Variants in UGGT2 observed in about 807,000 individuals in gnomAD.
The protein encoded by UGGT2 is UDP-glucose glycoprotein glucosyltransferase 2, also known as UDP-glucose:glycoprotein glucosyltransferase 2.
Under a neutral mutation model 192.1 loss-of-function variants are expected in UGGT2, and 180 were observed. The observed-to-expected ratio is 0.94, with a 90% CI of 0.83 to 1.06. The LOEUF is 1.06. Among genes scored for constraint, UGGT2 ranks in the 50% least tolerant of loss-of-function variants. The pLI, the probability that UGGT2 is intolerant of heterozygous loss-of-function variation, is 0.00. For synonymous variants in UGGT2, 580 were observed against 591.0 expected, an observed-to-expected ratio of 0.98 and a Z score of 0.27; for missense variants, 1,849 against 1,795.7, an observed-to-expected ratio of 1.03 and a Z score of -0.54.
At chr13:95,931,645 C>T (rs1293369380) in intron 17 of UGGT2, among the ~76,000 whole-genome samples, 1 of 152,136 alleles carries the variant, frequency 6.6e-6, no homozygotes, top group Non-Finnish European at 1.5e-5. Context: ...AATTCGAGCA[C>T]AGTGCTGGCC....
intron 12 of UGGT2, among the ~76,000 whole-genome samples, chr13:95,954,854 ATC>A (rs1275964107): frequency 1.3e-5 from 2 of 152,208 alleles, no homozygotes; most frequent in African/African-American, 4.8e-5. Flanking sequence ...CTCCAAATGA[ATC>A]TCTTCAAATA....
intron 12 of UGGT2, among the ~76,000 whole-genome samples, chr13:95,950,397 G>T (rs921067471): frequency 2.6e-5 from 4 of 151,968 alleles, no homozygotes; most frequent in African/African-American, 9.7e-5. Context: ...CCAGATCCTA[G>T]AAGTAAGACA....
At chr13:95,824,669 T>G (rs1003813823) in intron 38 of UGGT2, among the ~76,000 whole-genome samples, 1 of 152,120 alleles carries the variant, frequency 6.6e-6, no homozygotes, top group African/African-American at 2.4e-5. Flanking sequence ...CTCTAGAAAA[T>G]TTTTCATTCA....
intron 36 of UGGT2, among the ~76,000 whole-genome samples, chr13:95,852,693 CAG>C (rs990724071): frequency 7.2e-5 from 11 of 152,176 alleles, no homozygotes; most frequent in South Asian, 4.1e-4. Context: ...TAAAAGAATA[CAG>C]AGTCTTTTGT....
chr13:95,907,461 G>GATCCCT lies in UGGT2; in HGVS notation c.2296-4402_2296-4401insAGGGAT, dbSNP rs2048329030. 2.5e-4 allele frequency among the ~76,000 whole-genome samples: 4 copies of GATCCCT among 15,958 alleles called. No individual in the cohort carries two copies. In the South Asian group the frequency reaches 0.028, roughly 111 times the overall value. 10.5% of individuals were successfully genotyped at this position (15,958 alleles called of 152,430 possible). A position where few individuals can be genotyped will look rare whatever the true frequency, so the allele number is the denominator to read the frequency against. On this transcript the variant is annotated intron_variant, in intron 20 of 38. Transcript: ENST00000376747. ...AATGGACAGACTGCCTCCTCAAGTG[G>GATCCCT]GTCCCCATGTAGCCTAACTGGGAGA...
At chr13:95,949,577 T>C (rs1021872736) in intron 12 of UGGT2, 123 bp from the exon 13 acceptor site, 10 of 955,428 alleles carry the variant, frequency 1.0e-5, no homozygotes, top group African/African-American at 5.1e-5. Context: ...TCTGATTAAA[T>C]AGAGGAGCTA....
At chr13:95,991,513 T>C (rs1346414208) in intron 7 of UGGT2, 1 of 450,658 alleles carries the variant, frequency 2.2e-6, no homozygotes, top group East Asian at 7.0e-5. Context: ...TATACATAAA[T>C]ATGGTAATCT....
chr13:96,023,579 C>T (rs200614926), intron 3 of UGGT2, 50 bp downstream of exon 3: 272 of 1,556,418 alleles, frequency 1.7e-4, no homozygotes, highest in Middle Eastern at 5.2e-4. Flanking sequence ...ACTCTATGTA[C>T]ATTGCTAGCG....
chr13:95,928,354 C>T (rs917994787), intron 17 of UGGT2, among the ~76,000 whole-genome samples: 4 of 84,616 alleles, frequency 4.7e-5, no homozygotes, highest in African/African-American at 8.3e-5. Flanking sequence ...CCCCACCTCC[C>T]GGACAGGACG....
chr13:95,939,074 A>G (rs2049567679), intron 16 of UGGT2, among the ~76,000 whole-genome samples: 1 of 152,172 alleles, frequency 6.6e-6, no homozygotes, highest in Non-Finnish European at 1.5e-5. Flanking sequence ...AATGTTGTTC[A>G]CAAGACCCTG....
intron 17 of UGGT2, among the ~76,000 whole-genome samples, chr13:95,930,969 ACCTC>A (rs1480969107): frequency 1.3e-5 from 2 of 151,190 alleles, no homozygotes; most frequent in African/African-American, 4.9e-5. Flanking sequence ...AAAAGAACAA[ACCTC>A]CCACAGCATG....
chr13:95,941,671 G>T (rs1193297340), intron 15 of UGGT2, among the ~76,000 whole-genome samples: 1 of 152,142 alleles, frequency 6.6e-6, no homozygotes, highest in Non-Finnish European at 1.5e-5. Context: ...AAGTTACTCA[G>T]ACATATCAAC....
chr13:95,849,896 C>A (rs900014777), intron 36 of UGGT2, among the ~76,000 whole-genome samples: 11 of 146,100 alleles, frequency 7.5e-5, no homozygotes, highest in African/African-American at 2.5e-4. Context: ...TTTGACCTTG[C>A]TATAATCCCT....
chr13:95,806,657 G>A (rs909350323), intron 38 of UGGT2, among the ~76,000 whole-genome samples: 3 of 152,076 alleles, frequency 2.0e-5, no homozygotes, highest in Non-Finnish European at 4.4e-5. Flanking sequence ...CAAAGCTACA[G>A]TAATTAAAAC....
Position 95,860,801 on chromosome 13 carries a change from C to A in UGGT2, c.3727G>T (p.Glu1243Ter). The A allele has an allele frequency of 1.3e-6, 2 of 1,530,190 alleles. No homozygotes were observed. The highest frequency in any genetic ancestry group is 1.8e-6 in the Non-Finnish European group (2 of 1,139,396). 94.8% of individuals were successfully genotyped at this position (1,530,190 alleles called of 1,614,324 possible). ...IFSVASGHLY[E>*]RFLRIMMLSV... ...AAATATACCTACCTTAAAAAACGTTCATATAAATGACCAGAAGCAACTGAA... is the reference window on the plus strand; with the variant it reads ...AAATATACCTACCTTAAAAAACGTTAATATAAATGACCAGAAGCAACTGAA... Residue 1243 changes from glutamate (E) to a stop codon, truncating the protein, a stop_gained, in exon 32 of 39, where the codon GAA becomes TAA. Transcript: ENST00000376747. LOFTEE classifies it high-confidence loss of function.
chr13:96,014,792 A>C lies in UGGT2; in HGVS notation c.486-1311T>G, dbSNP rs185847809. ...AAGAGATTCTTGCATGAAACTATTA[A>C]AATTATTCTCATAAATTTTAACTGA... On this transcript the variant is annotated intron_variant, in intron 4 of 38. Transcript: ENST00000376747. 1.7e-3 allele frequency among the ~76,000 whole-genome samples: 260 copies of C among 152,300 alleles called. 1 individual carries two copies. The highest frequency in any genetic ancestry group is 3.3e-3 in the Non-Finnish European group (226 of 68,028).
chr13:95,902,033 A>G (rs1231188059), intron 21 of UGGT2, among the ~76,000 whole-genome samples: 3 of 152,138 alleles, frequency 2.0e-5, no homozygotes, highest in Non-Finnish European at 4.4e-5. Flanking sequence ...TCTCAGTCAT[A>G]TTCACTGGTC....
intron 20 of UGGT2, among the ~76,000 whole-genome samples, chr13:95,905,838 G>T (rs2048272651): frequency 6.6e-6 from 1 of 151,968 alleles, no homozygotes; most frequent in Non-Finnish European, 1.5e-5. Flanking sequence ...AAGATTTATT[G>T]TTTTGCCTTT....
intron 20 of UGGT2, among the ~76,000 whole-genome samples, chr13:95,905,014 T>C (rs1379398448): frequency 2.0e-5 from 3 of 152,058 alleles, no homozygotes; most frequent in Non-Finnish European, 4.4e-5. Context: ...GGTATCTCAA[T>C]GTGGTTTTGA....
Sources: allele counts gnomAD v4.1 joint callset (sites outside exome capture counted in the v4.1 genomes callset), GRCh38; gene constraint gnomAD v4.1.1; transcripts MANE v1.5; gene names NCBI Gene and HGNC (gene_info 2026-07-23, HGNC 2026-07-21).